Variants in ANK2 observed in about 807,000 individuals in gnomAD.
ANK2 encodes the protein ankyrin-2.
Under a neutral mutation model 360.5 loss-of-function variants are expected in ANK2, and 83 were observed. The observed-to-expected ratio is 0.23, with a 90% confidence interval of 0.19 to 0.28. The LOEUF is 0.28. Among genes scored for constraint, ANK2 ranks in the 10% least tolerant of loss-of-function variants. The probability of loss-of-function intolerance (pLI) is 1.00; values close to 1 mark genes in which losing one functional copy is unlikely to be tolerated. For synonymous variants in ANK2, 1,740 were observed against 1,759.5 expected (o/e 0.99, Z 0.28); for missense variants, 4,201 against 4,795.7 (o/e 0.88, Z 3.66).
chr4:113,251,475 CTTTTTTTTTTTTTT>C (rs1167630240), intron 10 of ANK2, among the ~76,000 whole-genome samples: 1 of 88,098 alleles, frequency 1.1e-5, no homozygotes, highest in Non-Finnish European at 2.1e-5. Context: ...AATACAAAAT[CTTTTTTTTTTTTTT>C]TTTTTTTTTT....
chr4:112,918,594 A>G (rs1323164364), intron 2 of ANK2, among the ~76,000 whole-genome samples: 2 of 152,206 alleles, frequency 1.3e-5, no homozygotes, highest in Non-Finnish European at 2.9e-5. Flanking sequence ...TTTGAAGAAT[A>G]GAGAGGGGAA....
chr4:112,788,535 G>A, the ANK2 span: 1 of 1,577,258 alleles, frequency 6.3e-7, no homozygotes, highest in Admixed American at 1.7e-5. Context: ...TTCTCGGCCT[G>A]GGCCAACAGC....
At chr4:113,038,131 T>C (rs2154310251) in intron 2 of ANK2, among the ~76,000 whole-genome samples, 1 of 151,990 alleles carries the variant, frequency 6.6e-6, no homozygotes, top group African/African-American at 2.4e-5. Flanking sequence ...TGTTACGAGG[T>C]CATATAGATG....
the ANK2 span, among the ~76,000 whole-genome samples, chr4:112,792,326 CCACCGTGCCCTGCGACAA>C: frequency 1.2e-4 from 18 of 152,142 alleles, no homozygotes; most frequent in Non-Finnish European, 2.4e-4. Context: ...CAGGTGTGAA[CCACCGTGCCCTGCGACAA>C]CACATCCTTA....
At chr4:113,047,566 G>A (rs1258037328), upstream of ANK2, among the ~76,000 whole-genome samples, 2 of 152,166 alleles carry the variant, frequency 1.3e-5, no homozygotes, top group Non-Finnish European at 2.9e-5. Flanking sequence ...GAGGGGTTGG[G>A]AGAGCAGGTG....
intron 2 of ANK2, among the ~76,000 whole-genome samples, chr4:112,946,405 G>T (rs1046962430): frequency 2.0e-5 from 3 of 152,176 alleles, no homozygotes; most frequent in African/African-American, 7.2e-5. Context: ...GATGGCCAGG[G>T]CTTGTGAGGA....
Position 112,981,323 on chromosome 4 carries a change from T to C in ANK2, c.21+76809T>C, listed in dbSNP as rs182500182. ...GCAATGGCAAGATATCAGAGATTTA[T>C]GTACAGAAATGTCACAGTTGCCTTC... On this transcript the variant is annotated intron_variant, in intron 2 of 30. Transcript: ENST00000503271. Among the ~76,000 whole-genome samples the C allele has an allele frequency of 9.8e-5, 15 of 152,358 alleles. No individual in the cohort carries two copies. In the East Asian group the frequency reaches 2.9e-3, roughly 29 times the overall value.
chr4:112,844,371 A>G lies in ANK2; in HGVS notation c.-40+26107A>G, dbSNP rs76331508. ...TGACAACGATTATATTTTATCATAC[A>G]TTATTACTTACATGTTATCGCTTAT... On this transcript the variant is annotated intron_variant, in intron 1 of 30. Transcript: ENST00000503271. Among the ~76,000 whole-genome samples, 396 of 152,292 alleles carry G rather than the reference A, an allele frequency of 2.6e-3. 1 individual carries two copies. Among genetic ancestry groups the G allele is most frequent in the African/African-American group, 8.9e-3 (371 of 41,534 alleles).
chr4:113,145,609 G>A lies in ANK2; in HGVS notation c.85-28807G>A, dbSNP rs771111005. On this transcript the variant is annotated intron_variant, in intron 1 of 45. Transcript: ENST00000357077. The stretch of plus-strand genomic sequence containing the variant: ...TTGACATGCATAGCTGGCCTGGTAG[G>A]TGTAAAAATAGACTGGCAGCGCCTG... 38 of 1,089,376 alleles carry A rather than the reference G, an allele frequency of 3.5e-5. No individual in the cohort carries two copies. In the East Asian group the frequency reaches 1.2e-3, roughly 33 times the overall value. 67.5% of individuals were successfully genotyped at this position (1,089,376 alleles called of 1,614,324 possible). A position where few individuals can be genotyped will look rare whatever the true frequency, so the allele number is the denominator to read the frequency against.
At chr4:113,038,310 C>CT (rs982650962) in intron 2 of ANK2, among the ~76,000 whole-genome samples, 2 of 151,616 alleles carry the variant, frequency 1.3e-5, no homozygotes, top group African/African-American at 2.4e-5. Context: ...TCAACAAAGA[C>CT]TTTTTTTTGA....
chr4:112,787,953 T>C, the ANK2 span: 126 of 623,336 alleles, frequency 2.0e-4, 1 homozygote, highest in Non-Finnish European at 3.1e-4. Flanking sequence ...TGTATGATCA[T>C]TATATGATCA....
intron 2 of ANK2, among the ~76,000 whole-genome samples, chr4:113,011,444 C>G (rs919486955): frequency 6.6e-6 from 1 of 152,010 alleles, no homozygotes; most frequent in East Asian, 1.9e-4. Context: ...TGGGAGCTCT[C>G]CTAAGGAAAT....
At chr4:112,838,222 C>A (rs1165579050) in intron 1 of ANK2, among the ~76,000 whole-genome samples, 13 of 152,124 alleles carry the variant, frequency 8.5e-5, no homozygotes, top group Non-Finnish European at 4.4e-5. Context: ...TCTTTCCTGC[C>A]ACCTTGTGAA....
chr4:113,012,267 G>A (rs1578999259), intron 2 of ANK2, among the ~76,000 whole-genome samples: 2 of 152,240 alleles, frequency 1.3e-5, no homozygotes, highest in East Asian at 3.9e-4. Flanking sequence ...AGAACCATGG[G>A]CCATGTTGAC....
chr4:113,077,214 A>G (rs2080422185), intron 1 of ANK2, among the ~76,000 whole-genome samples: 1 of 152,198 alleles, frequency 6.6e-6, no homozygotes, highest in Non-Finnish European at 1.5e-5. Flanking sequence ...TATTGAATAT[A>G]AGAAGATTCT....
chr4:113,228,241 A>G lies in ANK2; in HGVS notation c.385-3920A>G, dbSNP rs554669515. ...GAACAGGTGGTGTTTAGTTACATGAATAAGTTCTTTGGTGGTGATTTCTAA... is the reference window on the plus strand; with the variant it reads ...GAACAGGTGGTGTTTAGTTACATGAGTAAGTTCTTTGGTGGTGATTTCTAA... On this transcript the variant is annotated intron_variant, in intron 4 of 45. Transcript: ENST00000357077. Among the ~76,000 whole-genome samples the G allele has an allele frequency of 4.7e-4, 72 of 152,160 alleles. 2 individuals are homozygous for G. Among genetic ancestry groups the G allele is most frequent in the African/African-American group, 1.7e-3 (70 of 41,516 alleles).
intron 1 of ANK2, among the ~76,000 whole-genome samples, chr4:113,072,324 G>A (rs1274897858): frequency 6.6e-6 from 1 of 152,174 alleles, no homozygotes. Flanking sequence ...CCCCTTTCCA[G>A]GACATCTCCA....
intron 32 of ANK2, among the ~76,000 whole-genome samples, chr4:113,340,792 T>C (rs1353685957): frequency 2.0e-5 from 3 of 151,008 alleles, no homozygotes; most frequent in African/African-American, 7.3e-5. Flanking sequence ...ACAGGGTAGA[T>C]TAAGAAGTGA....
upstream of ANK2, among the ~76,000 whole-genome samples, chr4:113,048,246 G>GTATATATA (rs1561687336): frequency 1.4e-3 from 79 of 54,608 alleles, 1 homozygote; most frequent in African/African-American, 4.8e-3. Flanking sequence ...ATCTACAAGT[G>GTATATATA]TGTATATATA....
Sources: allele counts gnomAD v4.1 joint callset (sites outside exome capture counted in the v4.1 genomes callset), GRCh38; gene constraint gnomAD v4.1.1; transcripts MANE v1.5; gene names NCBI Gene and HGNC (gene_info 2026-07-23, HGNC 2026-07-21).